The following SATB1 variants were observed in gnomAD, a reference collection of about 807,000 sequenced individuals.
SATB1 encodes DNA-binding protein SATB1.
A neutral mutation model predicts 86.9 loss-of-function variants in SATB1; 11 were observed. That is an observed-to-expected ratio of 0.13 (90% CI 0.08 to 0.21). The LOEUF is 0.21. Among genes scored for constraint, SATB1 ranks in the 10% least tolerant of loss-of-function variants. SATB1 has a pLI of 1.00. For synonymous variants in SATB1, 357 were observed against 357.2 expected (o/e 1.00, Z 0.01); for missense variants, 551 against 937.6 (o/e 0.59, Z 5.39).
rs202103426 is a variant in SATB1 at position 18,349,194 on chromosome 3, G to A, written c.2268C>T (p.Asp756=). 1.3e-4 allele frequency: 216 copies of A among 1,614,044 alleles called. No homozygotes were observed. Among genetic ancestry groups the A allele is most frequent in the Middle Eastern group, 1.6e-4 (1 of 6,062 alleles). ...CTCAGTCTTTCAAATCAGTATTAAT[G>A]TCTGTGTTTCCTTCCACTGACAGCT... ...EEELSVEGNT[D]INTDLKD is the part of the protein sequence containing the mutation. The change falls in exon 11 of 11, where the codon GAC becomes GAT. Residue 756 remains aspartate, a synonymous_variant. Coordinates refer to ENST00000338745, the MANE Select transcript of SATB1 (RefSeq NM_002971.6). This position sits in a 1 kb window ranked among gnomAD's most constrained non-coding sequence, Gnocchi z 5.5.
At chr3:18,416,662 G>A (rs868529369) in intron 3 of SATB1, among the ~76,000 whole-genome samples, 1 of 151,978 alleles carries the variant, frequency 6.6e-6, no homozygotes, top group African/African-American at 2.4e-5. Flanking sequence ...AGGTCAATAA[G>A]CATACTAATG....
chr3:18,412,061 T>A (rs1575158615), intron 5 of SATB1, among the ~76,000 whole-genome samples: 1 of 151,910 alleles, frequency 6.6e-6, no homozygotes, highest in Non-Finnish European at 1.5e-5. Context: ...AACCTCCGCC[T>A]CCTGGGTTCA....
chr3:18,349,741 GT>G lies in SATB1; in HGVS notation c.1780-60del. 6.6e-7 allele frequency: 1 copy of G among 1,522,832 alleles called. No individual in the cohort carries two copies. Among genetic ancestry groups the G allele is most frequent in the Admixed American group, 2.0e-5 (1 of 48,926 alleles). The allele number at this position is 1,522,832 out of a possible 1,614,324, so 94.3% of individuals were successfully genotyped here. ...CTATCGTGGAGTTCCACACAAAGCC[GT>G]CTCCAATCAGGAAAAATGTGGTCCC... is the stretch of plus-strand genomic sequence containing the variant. On this transcript the variant is annotated intron_variant, in intron 10 of 10. Coordinates refer to ENST00000338745, the MANE Select transcript of SATB1 (RefSeq NM_002971.6). This position sits in a 1 kb window ranked among gnomAD's most constrained non-coding sequence, Gnocchi z 5.5.
At chr3:18,396,415 T>C (rs1288630070) in intron 6 of SATB1, among the ~76,000 whole-genome samples, 1 of 152,124 alleles carries the variant, frequency 6.6e-6, no homozygotes, top group East Asian at 1.9e-4. Context: ...AGAACAGTAA[T>C]AAAAATTAAA....
intron 5 of SATB1, among the ~76,000 whole-genome samples, chr3:18,407,597 C>T (rs751459319): frequency 2.0e-5 from 3 of 152,056 alleles, no homozygotes; most frequent in Admixed American, 6.6e-5. Context: ...TATTATCTTC[C>T]GACTTTATAG....
Position 18,394,376 on chromosome 3 carries a change from G to C in SATB1, c.1206+86C>G. ...AGAGAGAGAAAATGTTAGTACAGAA[G>C]TAAAAGAATAAACTTTAGTTATAGA... On this transcript the variant is annotated intron_variant, in intron 7 of 10. Coordinates refer to ENST00000338745, the MANE Select transcript of SATB1 (RefSeq NM_002971.6). The surrounding 1 kb of genome is among the most constrained non-coding windows in gnomAD (Gnocchi z 5.9). The C allele has an allele frequency of 8.9e-7, 1 of 1,126,278 alleles. No individual in the cohort carries two copies. Among genetic ancestry groups the C allele is most frequent in the Non-Finnish European group, 1.3e-6 (1 of 759,412 alleles). The allele number at this position is 1,126,278 out of a possible 1,614,324, so 69.8% of individuals were successfully genotyped here.
chr3:18,400,508 T>C (rs922711263), intron 5 of SATB1, among the ~76,000 whole-genome samples: 1 of 152,192 alleles, frequency 6.6e-6, no homozygotes, highest in South Asian at 2.1e-4. Context: ...AATCCATCAA[T>C]TCAGGCATTT....
At chr3:18,365,535 C>T (rs1196716550) in intron 9 of SATB1, among the ~76,000 whole-genome samples, 3 of 152,106 alleles carry the variant, frequency 2.0e-5, no homozygotes, top group Non-Finnish European at 4.4e-5. Flanking sequence ...CTGATCACTG[C>T]CTCTCAAAGA....
chr3:18,431,851 A>G (rs903237407), intron 2 of SATB1, among the ~76,000 whole-genome samples: 1 of 152,194 alleles, frequency 6.6e-6, no homozygotes, highest in Admixed American at 6.5e-5. Flanking sequence ...TGGCAAATAA[A>G]TACATGCTAT....
At position 18,346,957 on chromosome 3, in the gene SATB1, TTTG is replaced by T. The variant is rs1412296649; in HGVS notation, c.*2210_*2212del. On this transcript the variant is annotated 3_prime_UTR_variant, in exon 11 of 11. Transcript: ENST00000338745. ...TTCTGAACTCTAGTGAGCCAGAATG[TTTG>T]TTTTCTTACTAAATAAAAAGTGGCA... is the stretch of plus-strand genomic sequence containing the variant. The T allele has an allele frequency of 1.3e-5, 2 of 152,186 alleles. No individual in the cohort carries two copies. The highest frequency in any genetic ancestry group is 1.5e-5 in the Non-Finnish European group (1 of 68,014). The allele number at this position is 152,186 out of a possible 1,614,324, so 9.4% of individuals were successfully genotyped here. A position where few individuals can be genotyped will look rare whatever the true frequency, so the allele number is the denominator to read the frequency against.
At chr3:18,445,235 C>T (rs1575197052) in intron 1 of SATB1, 14 of 981,768 alleles carry the variant, frequency 1.4e-5, no homozygotes, top group Non-Finnish European at 1.6e-5. Context: ...GTGGGAGCCT[C>T]GGCGGCCGCT....
intron 2 of SATB1, among the ~76,000 whole-genome samples, chr3:18,420,351 C>T (rs1243781216): frequency 6.6e-6 from 1 of 152,166 alleles, no homozygotes; most frequent in Non-Finnish European, 1.5e-5. Context: ...ATCTCTGAAA[C>T]TGCCCTACAA....
intron 5 of SATB1, among the ~76,000 whole-genome samples, chr3:18,406,599 G>A (rs1697549875): frequency 6.6e-6 from 1 of 151,960 alleles, no homozygotes; most frequent in African/African-American, 2.4e-5. Context: ...GTATAATCAG[G>A]TCTTTTTAAG....
Position 18,378,339 on chromosome 3 carries a change from T to C in SATB1, c.1420-14A>G, listed in dbSNP as rs1333647064. On this transcript the variant is annotated splice_polypyrimidine_tract_variant and intron_variant, in intron 8 of 10. Transcript: ENST00000338745. ...AGCTGTTTTCACCTACAAAACATTT[T>C]GAACATGGCTGTCATTTTTCATTGG... 2 of 1,609,522 alleles carry C rather than the reference T, an allele frequency of 1.2e-6. No individual in the cohort carries two copies. The highest frequency in any genetic ancestry group is 1.3e-5 in the African/African-American group (1 of 74,626).
Position 18,388,066 on chromosome 3 carries a change from C to T in SATB1, c.1207-1455G>A, listed in dbSNP as rs1575125076. Among the ~76,000 whole-genome samples, 9 of 152,282 alleles carry T rather than the reference C, an allele frequency of 5.9e-5. No homozygotes were observed. The South Asian group carries it at 1.9e-3, about 32-fold the overall frequency. ...AAGTTGTCTCTCACTTAGTCTCTTA[C>T]AGCTAAAGCCTGGAAATTGGACCTG... is the stretch of plus-strand genomic sequence containing the variant. On this transcript the variant is annotated intron_variant, in intron 7 of 10. Transcript: ENST00000338745.
In SATB1 at chr3:18,349,407, G is replaced by A. The variant is rs780080655; in HGVS notation, c.2055C>T (p.Pro685=). Residue 685 remains proline, a synonymous_variant, in exon 11 of 11, where the codon CCC becomes CCT. Coordinates refer to ENST00000338745, the MANE Select transcript of SATB1 (RefSeq NM_002971.6). This position sits in a 1 kb window ranked among gnomAD's most constrained non-coding sequence, Gnocchi z 5.5. ...GAAAGAACTTGATGATGGTGTACTT[G>A]GGAAGGTCGAGCTGGGCAGACAGAG... is the stretch of plus-strand genomic sequence containing the variant. ...IQTLSAQLDL[P]KYTIIKFFQN... 1.2e-6 allele frequency: 2 copies of A among 1,614,054 alleles called. No individual in the cohort carries two copies. Among genetic ancestry groups the A allele is most frequent in the East Asian group, 4.5e-5 (2 of 44,892 alleles).
In SATB1 at chr3:18,349,986, T is replaced by C. The variant is rs12330375; in HGVS notation, c.1780-304A>G. 2.5e-6 allele frequency: 1 copy of C among 399,664 alleles called. No individual in the cohort carries two copies. The highest frequency in any genetic ancestry group is 2.1e-5 in the African/African-American group (1 of 48,720). 24.8% of individuals were successfully genotyped at this position (399,664 alleles called of 1,614,324 possible). A position where few individuals can be genotyped will look rare whatever the true frequency, so the allele number is the denominator to read the frequency against. ...ATGTGAGCCATAAAATTCACTAGAA[T>C]GATACGCATCAAAGGCGAAGACAGC... On this transcript the variant is annotated intron_variant, in intron 10 of 10. Transcript: ENST00000338745. The surrounding 1 kb of genome is among the most constrained non-coding windows in gnomAD (Gnocchi z 5.5).
chr3:18,381,544 C>A (rs9822179), intron 8 of SATB1, among the ~76,000 whole-genome samples: 92,503 of 151,452 alleles, frequency 0.61, 28,778 homozygotes, highest in East Asian at 0.93. Flanking sequence ...GTTGGTGGAG[C>A]AATGCTGAGA....
chr3:18,421,205 C>A (rs192228138), intron 1 of SATB1: 1 of 400,782 alleles, frequency 2.5e-6, no homozygotes, highest in Non-Finnish European at 4.4e-6. Context: ...GGAAACTGTA[C>A]CAATACACAT....
Sources: allele counts gnomAD v4.1 joint callset (sites outside exome capture counted in the v4.1 genomes callset), GRCh38; gene constraint gnomAD v4.1.1; non-coding constraint Gnocchi (gnomAD v3.1); transcripts MANE v1.5; gene names NCBI Gene and HGNC (gene_info 2026-07-23, HGNC 2026-07-21).